Variants in FGFR1OP2 observed in about 807,000 individuals in gnomAD.
The protein encoded by FGFR1OP2 is FGFR1 oncogene partner 2, also known as fibroblast growth factor receptor 1 oncogene partner 2.
In FGFR1OP2, 17 loss-of-function variants were observed where a neutral mutation model predicts 35.2. The ratio of observed to expected loss-of-function variants is 0.48; its 90% confidence interval spans 0.33 to 0.73. The LOEUF is 0.73. FGFR1OP2 is among the 30% of genes least tolerant of loss of function. The pLI, the probability that FGFR1OP2 is intolerant of heterozygous loss-of-function variation, is 0.02. For synonymous variants in FGFR1OP2, 105 were observed against 104.6 expected (o/e 1.00, Z -0.03); for missense variants, 251 against 307.3 (o/e 0.82, Z 1.37).
At chr12:26,959,649 C>T (rs1399263424) in intron 4 of FGFR1OP2, among the ~76,000 whole-genome samples, 2 of 152,078 alleles carry the variant, frequency 1.3e-5, no homozygotes, top group Admixed American at 1.3e-4. Context: ...TAGCTGTAAG[C>T]CATCCTTTTT....
Position 26,954,168 on chromosome 12 carries a change from A to C in FGFR1OP2, c.10A>C (p.Thr4Pro). MSC[T>P]IEKALADAKA... is the part of the protein sequence containing the mutation. Reference sequence around the variant, plus strand: ...AGATATATCTTTAGAAATGAGTTGCACAATTGAGAAGGCACTTGCCGACGC... The same window carrying C: ...AGATATATCTTTAGAAATGAGTTGCCCAATTGAGAAGGCACTTGCCGACGC... The change falls in exon 2 of 7, where the codon ACA becomes CCA. Residue 4 changes from threonine to proline, a missense_variant. Transcript: ENST00000229395. The C allele has an allele frequency of 6.3e-7, 1 of 1,598,792 alleles. No individual in the cohort carries two copies. The highest frequency in any genetic ancestry group is 1.1e-5 in the South Asian group (1 of 87,116).
At chr12:26,959,355 C>CT (rs1939070143) in intron 4 of FGFR1OP2, among the ~76,000 whole-genome samples, 1 of 151,848 alleles carries the variant, frequency 6.6e-6, no homozygotes, top group African/African-American at 2.4e-5. Context: ...GTAACTAAGA[C>CT]TTTTTAAAGG....
At chr12:26,945,832 G>A (rs1398288503) in intron 1 of FGFR1OP2, among the ~76,000 whole-genome samples, 1 of 147,874 alleles carries the variant, frequency 6.8e-6, no homozygotes, top group Non-Finnish European at 1.5e-5. Context: ...TCGCACTCCA[G>A]CCTGGGCAAC....
intron 1 of FGFR1OP2, among the ~76,000 whole-genome samples, chr12:26,944,383 C>CATTCATTATGAA (rs1421778085): frequency 6.6e-6 from 1 of 152,114 alleles, no homozygotes; most frequent in Non-Finnish European, 1.5e-5. Context: ...TGAAGTATGA[C>CATTCATTATGAA]GTTTGCTGTA....
chr12:26,961,481 T>A (rs1382768788), intron 5 of FGFR1OP2: 1 of 152,150 alleles, frequency 6.6e-6, no homozygotes, highest in African/African-American at 2.4e-5. Flanking sequence ...GCATGGTGGC[T>A]CATGCCTGTA....
intron 2 of FGFR1OP2, among the ~76,000 whole-genome samples, chr12:26,954,623 A>G (rs1241653713): frequency 1.3e-5 from 2 of 152,216 alleles, no homozygotes; most frequent in African/African-American, 4.8e-5. Context: ...TCTGTCTTGT[A>G]TAATGTAGAA....
chr12:26,957,547 A>G (rs1939040954), intron 3 of FGFR1OP2, 54 bp from the exon 4 acceptor site: 1 of 1,517,328 alleles, frequency 6.6e-7, no homozygotes, highest in South Asian at 1.2e-5. Context: ...GGAAGAGAAT[A>G]TTTTGTGTAC....
At chr12:26,962,257 C>T (rs1420761680) in intron 5 of FGFR1OP2, 1 of 152,222 alleles carries the variant, frequency 6.6e-6, no homozygotes, top group East Asian at 1.9e-4. Flanking sequence ...AAAGGACCTA[C>T]ATTTTTGTTG....
At chr12:26,942,176 G>T (rs761576666) in intron 1 of FGFR1OP2, among the ~76,000 whole-genome samples, 3 of 152,232 alleles carry the variant, frequency 2.0e-5, no homozygotes, top group Non-Finnish European at 4.4e-5. Flanking sequence ...GGGATTACAG[G>T]CGTGCGCCAC....
chr12:26,959,050 C>G (rs1166772), intron 4 of FGFR1OP2, among the ~76,000 whole-genome samples: 114,872 of 152,014 alleles, frequency 0.76, 44,414 homozygotes, highest in East Asian at 0.94. Flanking sequence ...GGTGCTTGTA[C>G]GTGTTTTTAA....
chr12:26,947,188 GAAGAACTGTCAGACTTTTCCA>G (rs1399705751), intron 1 of FGFR1OP2, among the ~76,000 whole-genome samples: 1 of 152,128 alleles, frequency 6.6e-6, no homozygotes, highest in African/African-American at 2.4e-5. Context: ...TTAACCTTTT[GAAGAACTGTCAGACTTTTCCA>G]AAGTGGCTAT....
intron 1 of FGFR1OP2, among the ~76,000 whole-genome samples, chr12:26,950,323 C>T (rs1046363604): frequency 4.2e-5 from 6 of 144,390 alleles, no homozygotes; most frequent in Non-Finnish European, 6.0e-5. Context: ...CCCGGGTTCA[C>T]GCTATTCTCC....
chr12:26,953,780 A>G (rs1331603907), intron 1 of FGFR1OP2: 1 of 154,100 alleles, frequency 6.5e-6, no homozygotes, highest in Non-Finnish European at 1.4e-5. Context: ...AAACCAAATG[A>G]TCTTCCTCAA....
rs375623387 is a variant in FGFR1OP2, at chr12:26,943,685, C to T, written c.-15+4975C>T. 1.6e-4 allele frequency among the ~76,000 whole-genome samples: 24 copies of T among 152,084 alleles called. No individual in the cohort carries two copies. In the South Asian group the frequency reaches 4.8e-3, roughly 30 times the overall value. Reference sequence around the variant, plus strand: ...ACTAAAAATACAAAAATTAGCTGGGCGTGGTGGCGCACGCTTGTAATCTCA... The same window carrying T: ...ACTAAAAATACAAAAATTAGCTGGGTGTGGTGGCGCACGCTTGTAATCTCA... On this transcript the variant is annotated intron_variant, in intron 1 of 6. Coordinates refer to ENST00000229395, the MANE Select transcript of FGFR1OP2 (RefSeq NM_015633.3).
chr12:26,942,200 T>G (rs756213728), intron 1 of FGFR1OP2, among the ~76,000 whole-genome samples: 2 of 152,124 alleles, frequency 1.3e-5, no homozygotes, highest in Non-Finnish European at 2.9e-5. Flanking sequence ...ACCCAGCTAG[T>G]TTTTGCATTT....
intron 1 of FGFR1OP2, among the ~76,000 whole-genome samples, chr12:26,949,042 C>G (rs559589727): frequency 1.3e-5 from 2 of 152,266 alleles, no homozygotes; most frequent in African/African-American, 4.8e-5. Context: ...ATAAATATTT[C>G]TAAACCATGG....
chr12:26,949,828 C>T (rs932878179), intron 1 of FGFR1OP2, among the ~76,000 whole-genome samples: 2 of 152,156 alleles, frequency 1.3e-5, no homozygotes, highest in Non-Finnish European at 2.9e-5. Context: ...GATCCACCTG[C>T]CTCAGCCTCC....
chr12:26,947,903 G>T (rs1938855309), intron 1 of FGFR1OP2, among the ~76,000 whole-genome samples: 1 of 151,650 alleles, frequency 6.6e-6, no homozygotes, highest in South Asian at 2.1e-4. Flanking sequence ...CCTTTGTTTT[G>T]CCTTTTCTCT....
At chr12:26,950,448 G>A (rs191029228) in intron 1 of FGFR1OP2, among the ~76,000 whole-genome samples, 3 of 151,642 alleles carry the variant, frequency 2.0e-5, no homozygotes, top group Non-Finnish European at 2.9e-5. Context: ...GGATGGTCTC[G>A]ATCTCCTGAC....
Sources: gnomAD v4.1 joint callset for allele counts (sites outside exome capture counted in the v4.1 genomes callset) on GRCh38, gnomAD v4.1.1 for gene constraint, MANE v1.5 for transcripts, NCBI Gene and HGNC (gene_info 2026-07-23, HGNC 2026-07-21) for gene names.